The following TCF15 variants were observed in gnomAD, a reference collection of about 807,000 sequenced individuals.
TCF15 encodes TCF-15.
Under a neutral mutation model 11.1 loss-of-function variants are expected in TCF15, and 7 were observed. That is an observed-to-expected ratio of 0.63 (90% CI 0.36 to 1.19). TCF15 has a LOEUF of 1.19. Among genes scored for constraint, TCF15 ranks in the 50% most tolerant of loss-of-function variants. TCF15 has a pLI of 0.02. For synonymous variants in TCF15, 144 were observed against 138.9 expected (o/e 1.04, Z -0.26); for missense variants, 288 against 289.4 (o/e 1.00, Z 0.03).
Position 609,238 on chromosome 20 carries a change from C to T in TCF15, c.525+475G>A, listed in dbSNP as rs2020001745. Among the ~76,000 whole-genome samples the T allele has an allele frequency of 1.3e-5, 2 of 152,194 alleles. No individual in the cohort carries two copies. The highest frequency in any genetic ancestry group is 2.9e-5 in the Non-Finnish European group (2 of 68,050). On this transcript the variant is annotated intron_variant, in intron 1 of 1. Transcript: ENST00000246080. This position sits in a 1 kb window ranked among gnomAD's most constrained non-coding sequence, Gnocchi z 4.7. ...CCGGGCAAGCCCAGGGCCAGCGCCCCGGCTTCCCAGCTGAGTAAATGTGGG... is the reference window on the plus strand; with the variant it reads ...CCGGGCAAGCCCAGGGCCAGCGCCCTGGCTTCCCAGCTGAGTAAATGTGGG...
At chr20:608,631 A>T (rs2019996393) in intron 1 of TCF15, among the ~76,000 whole-genome samples, 1 of 152,216 alleles carries the variant, frequency 6.6e-6, no homozygotes, top group Non-Finnish European at 1.5e-5. Context: ...CAAGATGCAG[A>T]GGCCTCCGCA....
In TCF15 at chr20:604,799, A is replaced by G. The variant is rs1158111904; in HGVS notation, c.526-134T>C. The G allele has an allele frequency of 5.5e-6, 4 of 729,002 alleles. No individual in the cohort carries two copies. In the African/African-American group the frequency reaches 7.2e-5, roughly 13 times the overall value. 45.2% of individuals were successfully genotyped at this position (729,002 alleles called of 1,614,324 possible). A position where few individuals can be genotyped will look rare whatever the true frequency, so the allele number is the denominator to read the frequency against. On this transcript the variant is annotated intron_variant, in intron 1 of 1. Transcript: ENST00000246080. The surrounding 1 kb of genome is among the most constrained non-coding windows in gnomAD (Gnocchi z 4.2). ...GCCACACGATCAAGTTCTCTGCAACAGAAAGCAGAAGAAACCCTTTCTGGA... is the reference window on the plus strand; with the variant it reads ...GCCACACGATCAAGTTCTCTGCAACGGAAAGCAGAAGAAACCCTTTCTGGA...
At chr20:606,673 C>G (rs1004085372) in intron 1 of TCF15, among the ~76,000 whole-genome samples, 3 of 152,050 alleles carry the variant, frequency 2.0e-5, no homozygotes, top group African/African-American at 7.3e-5. Context: ...AAAAAATTAG[C>G]CAGGTGTGGT....
chr20:609,774 G>T lies in TCF15; in HGVS notation c.464C>A (p.Ala155Asp), dbSNP rs1192287120. ...GGAGCGCGGCTGGCGGCCGCCGTCG[G>T]CGGCGGCGGGGACGGCGCCCTTGGC... is the stretch of plus-strand genomic sequence containing the variant. ...GSAKGAVPAA[A>D]DGGRQPRSIC... The change falls in exon 1 of 2, where the codon GCC becomes GAC. Residue 155 changes from alanine to aspartate, a missense_variant. Transcript: ENST00000246080. The surrounding 1 kb of genome is among the most constrained non-coding windows in gnomAD (Gnocchi z 4.7). 7.1e-7 allele frequency: 1 copy of T among 1,410,828 alleles called. No homozygotes were observed. Among genetic ancestry groups the T allele is most frequent in the South Asian group, 1.6e-5 (1 of 63,672 alleles). 87.4% of individuals were successfully genotyped at this position (1,410,828 alleles called of 1,614,324 possible).
intron 1 of TCF15, among the ~76,000 whole-genome samples, chr20:608,133 G>T (rs1208526527): frequency 6.6e-6 from 1 of 152,122 alleles, no homozygotes; most frequent in East Asian, 1.9e-4. Flanking sequence ...AACCCTGTCA[G>T]CACTCACCCT....
rs2019956627 is a variant in TCF15, at chr20:604,581, G to A, written c.*10C>T. On this transcript the variant is annotated 3_prime_UTR_variant, in exon 2 of 2. Coordinates refer to ENST00000246080, the MANE Select transcript of TCF15 (RefSeq NM_004609.4). This position sits in a 1 kb window ranked among gnomAD's most constrained non-coding sequence, Gnocchi z 4.2. Reference sequence around the variant, plus strand: ...GGCTGGCTCCTGGCCTCCTTCTCCAGGGTCCAGGCTCATCTCCGTGGCCCT... The same window carrying A: ...GGCTGGCTCCTGGCCTCCTTCTCCAAGGTCCAGGCTCATCTCCGTGGCCCT... The A allele has an allele frequency of 3.2e-6, 5 of 1,551,520 alleles. No individual in the cohort carries two copies. The highest frequency in any genetic ancestry group is 1.2e-5 in the South Asian group (1 of 84,086).
chr20:608,889 G>C (rs1398660519), intron 1 of TCF15, among the ~76,000 whole-genome samples: 1 of 152,122 alleles, frequency 6.6e-6, no homozygotes, highest in Non-Finnish European at 1.5e-5. Context: ...TTGGAGCCTG[G>C]GCAAGGTTTC....
Position 610,139 on chromosome 20 carries a change from C to G in TCF15, c.99G>C (p.Ala33=). The G allele has an allele frequency of 9.7e-7, 1 of 1,032,230 alleles. No homozygotes were observed. Among genetic ancestry groups the G allele is most frequent in the Non-Finnish European group, 1.2e-6 (1 of 854,670 alleles). 63.9% of individuals were successfully genotyped at this position (1,032,230 alleles called of 1,614,324 possible). A position where few individuals can be genotyped will look rare whatever the true frequency, so the allele number is the denominator to read the frequency against. The part of the protein sequence containing the change: ...EDEENRSESD[A]SDQSFGCCEG... The stretch of plus-strand genomic sequence containing the variant: ...CGCAGCAGCCGAACGACTGGTCCGA[C>G]GCGTCGCTCTCGCTGCGGTTCTCCT... The change falls in exon 1 of 2, where the codon GCG becomes GCC. Residue 33 remains alanine (A), a synonymous_variant. Coordinates refer to ENST00000246080, the MANE Select transcript of TCF15 (RefSeq NM_004609.4).
At position 604,931 on chromosome 20, in the gene TCF15, G is replaced by GT. The variant is rs1173789182; in HGVS notation, c.526-267dup. Among the ~76,000 whole-genome samples, 1 of 152,236 alleles carries GT rather than the reference G, an allele frequency of 6.6e-6. No individual in the cohort carries two copies. The highest frequency in any genetic ancestry group is 1.5e-5 in the Non-Finnish European group (1 of 68,048). On this transcript the variant is annotated intron_variant, in intron 1 of 1. Transcript: ENST00000246080. This position sits in a 1 kb window ranked among gnomAD's most constrained non-coding sequence, Gnocchi z 4.2. The stretch of plus-strand genomic sequence containing the variant: ...TGGGGAGAAGCACACACGGGAAATT[G>GT]TGAGTGGGTTTCTTCAGAGAGGAAT...
In TCF15 at chr20:606,170, G is replaced by A. The variant is rs1333984347; in HGVS notation, c.526-1505C>T. On this transcript the variant is annotated intron_variant, in intron 1 of 1. Transcript: ENST00000246080. Reference sequence around the variant, plus strand: ...CACTCACAGGCAGGGCTATTTTGAGGGCTGAGGCCACAGTCCCAGCAGAGC... The same window carrying A: ...CACTCACAGGCAGGGCTATTTTGAGAGCTGAGGCCACAGTCCCAGCAGAGC... 2.0e-5 allele frequency among the ~76,000 whole-genome samples: 3 copies of A among 152,186 alleles called. No individual in the cohort carries two copies. In the East Asian group the frequency reaches 5.8e-4, roughly 29 times the overall value.
In TCF15 at chr20:609,922, G is replaced by T. The variant is rs1365608842; in HGVS notation, c.316C>A (p.Arg106Ser). 1 of 1,522,886 alleles carries T rather than the reference G, an allele frequency of 6.6e-7. No individual in the cohort carries two copies. Among genetic ancestry groups the T allele is most frequent in the Non-Finnish European group, 8.7e-7 (1 of 1,144,814 alleles). 94.3% of individuals were successfully genotyped at this position (1,522,886 alleles called of 1,614,324 possible). A position where few individuals can be genotyped will look rare whatever the true frequency, so the allele number is the denominator to read the frequency against. Reference protein sequence around the residue: ...RTLIPTEPVDRKLSKIETVRL... With the variant: ...RTLIPTEPVDSKLSKIETVRL... ...ACGGTCTCGATCTTGGACAGCTTGC[G>T]GTCCACCGGCTCGGTGGGGATGAGC... Residue 106 changes from arginine (R) to serine (S), a missense_variant, in exon 1 of 2, where the codon CGC becomes AGC. Transcript: ENST00000246080. This position sits in a 1 kb window ranked among gnomAD's most constrained non-coding sequence, Gnocchi z 4.7.
In TCF15 at chr20:606,114, C is replaced by G. The variant is rs113366670; in HGVS notation, c.526-1449G>C. On this transcript the variant is annotated intron_variant, in intron 1 of 1. Transcript: ENST00000246080. The stretch of plus-strand genomic sequence containing the variant: ...ATCCAGATGCGAGCCCAGCCTCCCT[C>G]GAGGCTCTTGCAGCCCAGGGACAGC... 2.8e-3 allele frequency among the ~76,000 whole-genome samples: 425 copies of G among 152,126 alleles called. 1 individual carries two copies. Among genetic ancestry groups the G allele is most frequent in the African/African-American group, 9.5e-3 (395 of 41,486 alleles).
chr20:605,976 G>A (rs874932), intron 1 of TCF15, among the ~76,000 whole-genome samples: 1,669 of 152,336 alleles, frequency 0.011, 27 homozygotes, highest in African/African-American at 0.037. Context: ...CCTGAGCCTG[G>A]CTAGATGATG....
chr20:609,778 C>A lies in TCF15; in HGVS notation c.460G>T (p.Ala154Ser). Residue 154 changes from alanine (A) to serine (S), a missense_variant, in exon 1 of 2, where the codon GCC (alanine) becomes TCC (serine). Transcript: ENST00000246080. This position sits in a 1 kb window ranked among gnomAD's most constrained non-coding sequence, Gnocchi z 4.7. The stretch of plus-strand genomic sequence containing the variant: ...CGCGGCTGGCGGCCGCCGTCGGCGG[C>A]GGCGGGGACGGCGCCCTTGGCACTG... ...AGSAKGAVPA[A>S]ADGGRQPRSI... 1 of 1,412,878 alleles carries A rather than the reference C, an allele frequency of 7.1e-7. No individual in the cohort carries two copies. The highest frequency in any genetic ancestry group is 9.1e-7 in the Non-Finnish European group (1 of 1,096,768). 87.5% of individuals were successfully genotyped at this position (1,412,878 alleles called of 1,614,324 possible). A position where few individuals can be genotyped will look rare whatever the true frequency, so the allele number is the denominator to read the frequency against.
intron 1 of TCF15, among the ~76,000 whole-genome samples, chr20:607,135 T>C (rs2019982305): frequency 6.6e-6 from 1 of 152,186 alleles, no homozygotes; most frequent in Admixed American, 6.5e-5. Context: ...ATCAGCATCA[T>C]CTATGGACAG....
chr20:609,646 C>T lies in TCF15; in HGVS notation c.525+67G>A. ...TGGGGACCCCTGCACCTCTCCGGTT[C>T]CCGCAGAGGCGCTGCCCCCCGCCTA... On this transcript the variant is annotated intron_variant, in intron 1 of 1. Transcript: ENST00000246080. This position sits in a 1 kb window ranked among gnomAD's most constrained non-coding sequence, Gnocchi z 4.7. 1.5e-6 allele frequency: 2 copies of T among 1,308,216 alleles called. No individual in the cohort carries two copies. The highest frequency in any genetic ancestry group is 1.9e-6 in the Non-Finnish European group (2 of 1,035,696). 81.0% of individuals were successfully genotyped at this position (1,308,216 alleles called of 1,614,324 possible). A position where few individuals can be genotyped will look rare whatever the true frequency, so the allele number is the denominator to read the frequency against.
At position 609,824 on chromosome 20, in the gene TCF15, C is replaced by G. The variant is rs976964430; in HGVS notation, c.414G>C (p.Gln138His). ...LLLGDSADDG[Q>H]PCFRAAGSAK... ...CACTGCCCGCGGCACGGAAGCACGG[C>G]TGCCCGTCGTCGGCCGAGTCGCCCA... Residue 138 changes from glutamine (Q) to histidine (H), a missense_variant, in exon 1 of 2, where the codon CAG (glutamine) becomes CAC (histidine). Physicochemically the swap from Gln to His is conservative, Grantham distance 24. Coordinates refer to ENST00000246080, the MANE Select transcript of TCF15 (RefSeq NM_004609.4). The surrounding 1 kb of genome is among the most constrained non-coding windows in gnomAD (Gnocchi z 4.7). 3 of 1,514,660 alleles carry G rather than the reference C, an allele frequency of 2.0e-6. No homozygotes were observed. In the African/African-American group the frequency reaches 4.3e-5, roughly 22 times the overall value. 93.8% of individuals were successfully genotyped at this position (1,514,660 alleles called of 1,614,324 possible).
rs547658495 is a variant in TCF15 at position 605,143 on chromosome 20, G to A, written c.526-478C>T. Among the ~76,000 whole-genome samples, 11 of 152,190 alleles carry A rather than the reference G, an allele frequency of 7.2e-5. No individual in the cohort carries two copies. The South Asian group carries it at 8.3e-4, about 12-fold the overall frequency. ...GTAGCGGGGACTACAGGGGCCCACCGCCACACCCGGCTAATTTTTGTATTC... is the reference window on the plus strand; with the variant it reads ...GTAGCGGGGACTACAGGGGCCCACCACCACACCCGGCTAATTTTTGTATTC... On this transcript the variant is annotated intron_variant, in intron 1 of 1. Coordinates refer to ENST00000246080, the MANE Select transcript of TCF15 (RefSeq NM_004609.4).
At chr20:607,634 G>A (rs1017763222) in intron 1 of TCF15, among the ~76,000 whole-genome samples, 1 of 152,216 alleles carries the variant, frequency 6.6e-6, no homozygotes, top group African/African-American at 2.4e-5. Context: ...CCAGGGAAGC[G>A]GCCAGGCCCA....
Sources: gnomAD v4.1 joint callset for allele counts (sites outside exome capture counted in the v4.1 genomes callset) on GRCh38, gnomAD v4.1.1 for gene constraint, Gnocchi (gnomAD v3.1) non-coding constraint, MANE v1.5 for transcripts, NCBI Gene and HGNC (gene_info 2026-07-23, HGNC 2026-07-21) for gene names.